Variants in PCDHGA3 observed in about 807,000 individuals in gnomAD.
PCDHGA3 encodes the protein protocadherin gamma subfamily A, 3, also known as protocadherin gamma-A3.
A neutral mutation model predicts 58.5 loss-of-function variants in PCDHGA3; 40 were observed. The ratio of observed to expected loss-of-function variants is 0.68; its 90% CI spans 0.53 to 0.89. The LOEUF is 0.89. PCDHGA3 is among the 40% of genes least tolerant of loss of function. The probability of loss-of-function intolerance (pLI) is 0.00; values close to 1 mark genes in which losing one functional copy is unlikely to be tolerated. For missense variants in PCDHGA3, 1,223 were observed against 1,195.9 expected, an observed-to-expected ratio of 1.02 and a Z score of -0.33; for synonymous variants, 530 against 525.7, an observed-to-expected ratio of 1.01 and a Z score of -0.11.
At chr5:141,392,632 C>A in intron 1 of PCDHGA3, 1 of 610,258 alleles carries the variant, frequency 1.6e-6, no homozygotes, top group Non-Finnish European at 2.7e-6. Context: ...ACTCAGATCT[C>A]ACACCTCACG....
At chr5:141,382,828 G>T (rs986779175) in intron 1 of PCDHGA3, 1 of 1,372,334 alleles carries the variant, frequency 7.3e-7, no homozygotes. Context: ...AGACAGAGGG[G>T]TCCACCCGGA....
Position 141,344,928 on chromosome 5 carries a change from G to A in PCDHGA3, c.895G>A (p.Gly299Arg), listed in dbSNP as rs1407685548. The change falls in exon 1 of 4, where the codon GGA becomes AGA. Residue 299 changes from glycine (G) to arginine (R), a missense_variant. Physicochemically the swap from Gly to Arg is moderately radical, Grantham distance 125. This residue lies in a region of PCDHGA3 where 791 missense variants were observed against 708.5 expected (regional missense o/e 1.12). Transcript: ENST00000253812. ...AEIFHLNSVS[G>R]EVSILKSLDY... ...GATTTTCCATCTTAACTCAGTGAGT[G>A]GAGAAGTATCAATATTAAAAAGTCT... The A allele has an allele frequency of 1.9e-6, 3 of 1,613,848 alleles. No homozygotes were observed. The highest frequency in any genetic ancestry group is 2.5e-6 in the Non-Finnish European group (3 of 1,179,804).
At chr5:141,388,594 A>G in intron 1 of PCDHGA3, 1 of 1,613,936 alleles carries the variant, frequency 6.2e-7, no homozygotes, top group Non-Finnish European at 8.5e-7. Context: ...GATGCCAATG[A>G]TAATGCTCCA....
At chr5:141,348,827 A>C (rs985271753) in intron 1 of PCDHGA3, among the ~76,000 whole-genome samples, 12 of 152,220 alleles carry the variant, frequency 7.9e-5, no homozygotes, top group Middle Eastern at 3.2e-3. Context: ...TTTCGAATAG[A>C]GTATGAGTAT....
chr5:141,351,457 G>A (rs1461489650), intron 1 of PCDHGA3: 3 of 1,613,298 alleles, frequency 1.9e-6, no homozygotes, highest in East Asian at 2.2e-5. Context: ...ATTATTACAA[G>A]CTGGTGATTG....
intron 1 of PCDHGA3, chr5:141,478,419 G>A (rs2530208): frequency 3.7e-6 from 6 of 1,613,632 alleles, no homozygotes; most frequent in South Asian, 2.2e-5. Context: ...GACTCCCGCC[G>A]CAGCGACCCG....
intron 1 of PCDHGA3, chr5:141,398,512 C>G: frequency 1.3e-6 from 2 of 1,588,756 alleles, no homozygotes; most frequent in Non-Finnish European, 1.7e-6. Context: ...CATTAATGAC[C>G]ACACGCCAAA....
chr5:141,346,158 A>G lies in PCDHGA3; in HGVS notation c.2125A>G (p.Ile709Val). ...CTCCTGCGTCTTCCTGGCCTTCGTC[A>G]TCGTGCTGCTGGCGCTCAGGCTGCG... ...AVSCVFLAFV[I>V]VLLALRLRRW... The change falls in exon 1 of 4, where the codon ATC becomes GTC. Residue 709 changes from isoleucine (I) to valine (V), a missense_variant. Ile to Val is a conservative substitution (Grantham distance 29). Transcript: ENST00000253812. The G allele has an allele frequency of 3.7e-6, 6 of 1,613,952 alleles. No individual in the cohort carries two copies. The highest frequency in any genetic ancestry group is 5.1e-6 in the Non-Finnish European group (6 of 1,179,912).
intron 1 of PCDHGA3, chr5:141,408,920 C>T (rs772932702): frequency 1.9e-6 from 3 of 1,613,506 alleles, no homozygotes; most frequent in Admixed American, 1.7e-5. Context: ...TGATAACCCC[C>T]CGGTTTTCAG....
rs1456184444 is a variant in PCDHGA3, at chr5:141,512,578, C to G, written c.*1405C>G. ...ATAGACCTTCTTCTCCCACCCCCTT[C>G]TGCCCCTGGGTCCCCGGCCATCCAG... On this transcript the variant is annotated 3_prime_UTR_variant, in exon 4 of 4. Coordinates refer to ENST00000253812, the MANE Select transcript of PCDHGA3 (RefSeq NM_018916.4). The G allele has an allele frequency of 6.5e-6, 1 of 153,062 alleles. No individual in the cohort carries two copies. The highest frequency in any genetic ancestry group is 1.5e-5 in the Non-Finnish European group (1 of 68,534). 9.5% of individuals were successfully genotyped at this position (153,062 alleles called of 1,614,324 possible). A position where few individuals can be genotyped will look rare whatever the true frequency, so the allele number is the denominator to read the frequency against.
chr5:141,460,951 GTA>G (rs200454978), intron 1 of PCDHGA3, among the ~76,000 whole-genome samples: 208 of 139,744 alleles, frequency 1.5e-3, no homozygotes, highest in South Asian at 4.3e-3. Flanking sequence ...TATGTATTAT[GTA>G]TATATATATG....
chr5:141,419,350 G>A, intron 1 of PCDHGA3: 1 of 1,613,848 alleles, frequency 6.2e-7, no homozygotes, highest in Non-Finnish European at 8.5e-7. Context: ...GCGACCTGGA[G>A]TCACGAACGC....
chr5:141,497,502 T>C (rs1216218103), intron 2 of PCDHGA3, among the ~76,000 whole-genome samples: 1 of 151,628 alleles, frequency 6.6e-6, no homozygotes, highest in East Asian at 1.9e-4. Flanking sequence ...CTCTCCTCTC[T>C]CTGCTTCCTT....
rs368884524 is a variant in PCDHGA3 at position 141,409,933 on chromosome 5, G to A, written c.2424+63476G>A. On this transcript the variant is annotated intron_variant, in intron 1 of 3. Coordinates refer to ENST00000253812, the MANE Select transcript of PCDHGA3 (RefSeq NM_018916.4). ...CTGACGGCTCCGCGTTCTTCGATAT[G>A]GTACCTCGCTCTGCAGAGCCCGGCT... 50 of 1,613,236 alleles carry A rather than the reference G, an allele frequency of 3.1e-5. No homozygotes were observed. The highest frequency in any genetic ancestry group is 4.1e-5 in the Non-Finnish European group (48 of 1,179,790).
intron 1 of PCDHGA3, among the ~76,000 whole-genome samples, chr5:141,362,816 G>C (rs1253772820): frequency 1.3e-5 from 2 of 152,090 alleles, no homozygotes; most frequent in Non-Finnish European, 2.9e-5. Flanking sequence ...ACTTCTCTCT[G>C]CAGATTTGTT....
chr5:141,438,627 T>C (rs55817844), intron 1 of PCDHGA3, among the ~76,000 whole-genome samples: 510 of 47,978 alleles, frequency 0.011, 3 homozygotes, highest in Admixed American at 0.017. Context: ...TATATATATA[T>C]ATATATATAC....
chr5:141,366,774 G>A, intron 1 of PCDHGA3: 1 of 1,595,562 alleles, frequency 6.3e-7, no homozygotes, highest in East Asian at 2.2e-5. Context: ...TTTCGGTAAG[G>A]ATGACCAGAA....
intron 1 of PCDHGA3, chr5:141,428,211 C>A: frequency 7.8e-7 from 1 of 1,284,316 alleles, no homozygotes; most frequent in Non-Finnish European, 1.1e-6. Context: ...CTACGCTTCA[C>A]CTAGTCTTCG....
chr5:141,506,017 C>G (rs2099850061), intron 3 of PCDHGA3, among the ~76,000 whole-genome samples: 1 of 152,176 alleles, frequency 6.6e-6, no homozygotes, highest in Non-Finnish European at 1.5e-5. Flanking sequence ...TTTGCTGCCC[C>G]TAACTCCAGA....
Sources: gnomAD v4.1 joint callset for allele counts (sites outside exome capture counted in the v4.1 genomes callset) on GRCh38, gnomAD v4.1.1 for gene constraint, gnomAD v4.1.1 regional missense constraint, MANE v1.5 for transcripts, NCBI Gene and HGNC (gene_info 2026-07-23, HGNC 2026-07-21) for gene names.